SLC24A3: variants seen among roughly 807,000 people sequenced by gnomAD.
The protein encoded by SLC24A3 is solute carrier family 24 member 3, also known as sodium/potassium/calcium exchanger 3.
SLC24A3 carries 28 observed loss-of-function variants against 75.8 expected under a neutral mutation model. The ratio of observed to expected loss-of-function variants is 0.37; its 90% CI spans 0.27 to 0.51. The LOEUF (loss-of-function observed/expected upper bound fraction) is 0.51, where lower values mean the gene tolerates loss of function less well. SLC24A3 is among the 20% of genes least tolerant of loss of function. The probability of loss-of-function intolerance (pLI) is 0.94; values close to 1 mark genes in which losing one functional copy is unlikely to be tolerated. For synonymous variants in SLC24A3, 372 were observed against 334.1 expected (o/e 1.11, Z -1.24); for missense variants, 663 against 847.8 (o/e 0.78, Z 2.71).
chr20:19,687,232 A>G (rs2032687018), intron 12 of SLC24A3, among the ~76,000 whole-genome samples: 1 of 152,162 alleles, frequency 6.6e-6, no homozygotes, highest in Non-Finnish European at 1.5e-5. Context: ...GATGGCTGTC[A>G]GCTGGGGATG....
chr20:19,512,607 C>T (rs2029903570), intron 2 of SLC24A3, among the ~76,000 whole-genome samples: 1 of 152,256 alleles, frequency 6.6e-6, no homozygotes, highest in South Asian at 2.1e-4. Context: ...AGAACCCAAG[C>T]CTGTCACTTA....
intron 12 of SLC24A3, 62 bp downstream of exon 12, chr20:19,685,423 T>A: frequency 6.4e-7 from 1 of 1,568,702 alleles, no homozygotes; most frequent in Non-Finnish European, 8.6e-7. Flanking sequence ...GTAGATGCCC[T>A]TGACTTAGAT....
At chr20:19,441,061 T>G (rs1373009659) in intron 2 of SLC24A3, among the ~76,000 whole-genome samples, 1 of 152,146 alleles carries the variant, frequency 6.6e-6, no homozygotes, top group African/African-American at 2.4e-5. Flanking sequence ...CAGACAAGAT[T>G]GTGCACCCAC....
intron 2 of SLC24A3, among the ~76,000 whole-genome samples, chr20:19,445,402 T>G (rs1397777462): frequency 6.6e-6 from 1 of 152,232 alleles, no homozygotes; most frequent in Non-Finnish European, 1.5e-5. Context: ...GGATTTGTAT[T>G]TATGCACAAT....
At chr20:19,256,482 G>A (rs1982818052) in intron 1 of SLC24A3, among the ~76,000 whole-genome samples, 1 of 152,100 alleles carries the variant, frequency 6.6e-6, no homozygotes, top group African/African-American at 2.4e-5. Flanking sequence ...AATTTTTATG[G>A]TACTGGCTGG....
At chr20:19,564,381 TATCATCATCACCAAC>T (rs2030923416) in intron 3 of SLC24A3, among the ~76,000 whole-genome samples, 3 of 152,166 alleles carry the variant, frequency 2.0e-5, no homozygotes, top group African/African-American at 7.2e-5. Flanking sequence ...CCATCATCAC[TATCATCATCACCAAC>T]ATCTTTGTCA....
At chr20:19,287,095 A>C (rs1983834611) in intron 2 of SLC24A3, among the ~76,000 whole-genome samples, 1 of 152,276 alleles carries the variant, frequency 6.6e-6, no homozygotes, top group African/African-American at 2.4e-5. Context: ...CTGCTGTAAC[A>C]GAGAAGTCCT....
At chr20:19,406,798 T>A (rs868333844) in intron 2 of SLC24A3, among the ~76,000 whole-genome samples, 9 of 152,140 alleles carry the variant, frequency 5.9e-5, no homozygotes, top group African/African-American at 2.2e-4. Flanking sequence ...GACCTTGCCA[T>A]CCCAAAGCAC....
chr20:19,323,034 G>A (rs1002125056), intron 2 of SLC24A3, among the ~76,000 whole-genome samples: 5 of 151,420 alleles, frequency 3.3e-5, no homozygotes, highest in South Asian at 2.1e-4. Context: ...GTGAAACCCC[G>A]TCTCTACTAA....
chr20:19,617,568 G>A (rs962111021), intron 6 of SLC24A3, among the ~76,000 whole-genome samples: 3 of 152,146 alleles, frequency 2.0e-5, no homozygotes, highest in African/African-American at 7.2e-5. Flanking sequence ...TTTGTTTCAG[G>A]GAAGATCTGG....
chr20:19,551,134 T>C (rs1025640725), intron 3 of SLC24A3, among the ~76,000 whole-genome samples: 13 of 152,248 alleles, frequency 8.5e-5, no homozygotes, highest in Non-Finnish European at 1.9e-4. Context: ...GTTTCATTAA[T>C]GCATCAAGCC....
At chr20:19,404,026 C>T (rs548999910) in intron 2 of SLC24A3, among the ~76,000 whole-genome samples, 6 of 152,334 alleles carry the variant, frequency 3.9e-5, no homozygotes, top group East Asian at 1.9e-4. Flanking sequence ...ATGAAGGTCA[C>T]GTATCTTGAT....
chr20:19,325,795 T>TATAGAGAGAG (rs1251419875), intron 2 of SLC24A3, among the ~76,000 whole-genome samples: 11 of 67,792 alleles, frequency 1.6e-4, no homozygotes, highest in East Asian at 6.3e-4. Flanking sequence ...TATATATATA[T>TATAGAGAGAG]AGAGAGAGAG....
chr20:19,672,178 C>T (rs1392467213), intron 8 of SLC24A3, among the ~76,000 whole-genome samples: 1 of 152,054 alleles, frequency 6.6e-6, no homozygotes, highest in African/African-American at 2.4e-5. Context: ...GAATGAGAGG[C>T]ACTGAAACGC....
chr20:19,373,862 T>C (rs1986032070), intron 2 of SLC24A3, among the ~76,000 whole-genome samples: 1 of 152,098 alleles, frequency 6.6e-6, no homozygotes, highest in Non-Finnish European at 1.5e-5. Flanking sequence ...AGATCAGCGG[T>C]GGGAGCAGGG....
chr20:19,537,889 G>A (rs2030427938), intron 3 of SLC24A3, among the ~76,000 whole-genome samples: 1 of 132,252 alleles, frequency 7.6e-6, no homozygotes, highest in South Asian at 3.0e-4. Context: ...GGGGTGGGGG[G>A]AGGGGGAGGG....
chr20:19,509,771 G>A (rs774790207), intron 2 of SLC24A3, among the ~76,000 whole-genome samples: 4 of 152,236 alleles, frequency 2.6e-5, no homozygotes, highest in Non-Finnish European at 5.9e-5. Flanking sequence ...GCAGTGTACT[G>A]TGTTTGGACC....
chr20:19,540,665 C>A (rs1349532918), intron 3 of SLC24A3, among the ~76,000 whole-genome samples: 1 of 152,160 alleles, frequency 6.6e-6, no homozygotes, highest in Non-Finnish European at 1.5e-5. Context: ...CAGGGGAGGC[C>A]CATTTCCTGG....
intron 2 of SLC24A3, among the ~76,000 whole-genome samples, chr20:19,508,294 A>G (rs1400468956): frequency 6.6e-6 from 1 of 152,120 alleles, no homozygotes; most frequent in Non-Finnish European, 1.5e-5. Flanking sequence ...TGAGAGACCA[A>G]TCCCTCAAGT....
Sources: gnomAD v4.1 joint callset for allele counts (sites outside exome capture counted in the v4.1 genomes callset) on GRCh38, gnomAD v4.1.1 for gene constraint, MANE v1.5 for transcripts, NCBI Gene and HGNC (gene_info 2026-07-23, HGNC 2026-07-21) for gene names.